KCNH1: variants seen among roughly 807,000 people sequenced by gnomAD.
KCNH1 encodes voltage-gated delayed rectifier potassium channel KCNH1.
In KCNH1, 27 loss-of-function variants were observed where a neutral mutation model predicts 69.2. That is an observed-to-expected ratio of 0.39 (90% CI 0.29 to 0.54). The LOEUF is 0.54. Among genes scored for constraint, KCNH1 ranks in the 20% least tolerant of loss-of-function variants. KCNH1 has a pLI of 0.68. For synonymous variants in KCNH1, 456 were observed against 487.7 expected, an observed-to-expected ratio of 0.93 and a Z score of 0.86; for missense variants, 798 against 1,261.6, an observed-to-expected ratio of 0.63 and a Z score of 5.57.
intron 10 of KCNH1, among the ~76,000 whole-genome samples, chr1:210,703,593 A>G (rs573812241): frequency 1.2e-3 from 177 of 152,352 alleles, no homozygotes; most frequent in African/African-American, 3.9e-3. Flanking sequence ...GCTACTTATT[A>G]ACATATATTT....
intron 10 of KCNH1, among the ~76,000 whole-genome samples, chr1:210,699,964 C>A (rs923227571): frequency 6.6e-6 from 1 of 152,130 alleles, no homozygotes; most frequent in Admixed American, 6.5e-5. Context: ...TCATCAGTGG[C>A]AACTCCCAGG....
At chr1:210,711,340 C>T (rs1009835893) in intron 10 of KCNH1, among the ~76,000 whole-genome samples, 17 of 152,360 alleles carry the variant, frequency 1.1e-4, no homozygotes, top group African/African-American at 4.1e-4. Flanking sequence ...TTACTCTCTT[C>T]AGGGGCCCAA....
At chr1:211,020,466 G>C (rs2102415027) in intron 5 of KCNH1, among the ~76,000 whole-genome samples, 1 of 148,460 alleles carries the variant, frequency 6.7e-6, no homozygotes, top group African/African-American at 2.5e-5. Context: ...CCAATAACAA[G>C]AAATAAGATT....
At chr1:210,895,415 A>G (rs1686844711) in intron 7 of KCNH1, among the ~76,000 whole-genome samples, 2 of 152,164 alleles carry the variant, frequency 1.3e-5, no homozygotes, top group African/African-American at 2.4e-5. Flanking sequence ...CATTGCCTCA[A>G]TTACAATGGG....
intron 7 of KCNH1, among the ~76,000 whole-genome samples, chr1:210,808,484 T>C (rs74156085): frequency 0.048 from 7,337 of 152,182 alleles, 580 homozygotes; most frequent in African/African-American, 0.16. Context: ...TCAATTACAA[T>C]TACTATTATG....
At chr1:211,111,419 G>T (rs970839638) in intron 1 of KCNH1, among the ~76,000 whole-genome samples, 2 of 147,602 alleles carry the variant, frequency 1.4e-5, no homozygotes, top group South Asian at 4.3e-4. Context: ...GCTTCTGCCC[G>T]GCCCCCACCC....
intron 5 of KCNH1, among the ~76,000 whole-genome samples, chr1:211,057,307 G>C (rs944136539): frequency 1.3e-5 from 2 of 152,098 alleles, no homozygotes; most frequent in Admixed American, 6.6e-5. Flanking sequence ...CTTGAAGACA[G>C]GCTATTTGAA....
intron 7 of KCNH1, among the ~76,000 whole-genome samples, chr1:210,882,758 G>A (rs1048652197): frequency 1.3e-5 from 2 of 152,138 alleles, no homozygotes; most frequent in Admixed American, 1.3e-4. Context: ...TGTGCTCGCT[G>A]GAGGATTGCT....
chr1:211,122,866 A>G (rs918641675), intron 1 of KCNH1, among the ~76,000 whole-genome samples: 1 of 152,104 alleles, frequency 6.6e-6, no homozygotes, highest in Non-Finnish European at 1.5e-5. Context: ...GAATGGGTCG[A>G]TAGGTGCAGC....
At chr1:211,065,034 G>A (rs1036038057) in intron 5 of KCNH1, among the ~76,000 whole-genome samples, 4 of 152,172 alleles carry the variant, frequency 2.6e-5, no homozygotes, top group Admixed American at 6.5e-5. Context: ...CACTGTTGGT[G>A]GGAGTGTAAA....
intron 10 of KCNH1, among the ~76,000 whole-genome samples, chr1:210,702,400 T>G (rs1230138267): frequency 2.0e-5 from 3 of 152,200 alleles, no homozygotes; most frequent in Non-Finnish European, 4.4e-5. Flanking sequence ...CCTCCTCCCC[T>G]TTTTCCTTAT....
At chr1:210,821,738 G>A (rs1053239140) in intron 7 of KCNH1, among the ~76,000 whole-genome samples, 1 of 152,038 alleles carries the variant, frequency 6.6e-6, no homozygotes, top group East Asian at 1.9e-4. Context: ...GAAGCTGTAC[G>A]ACTATTTAAT....
chr1:210,869,164 A>AT (rs1230254986), intron 7 of KCNH1, among the ~76,000 whole-genome samples: 1 of 151,950 alleles, frequency 6.6e-6, no homozygotes, highest in South Asian at 2.1e-4. Context: ...TCTGTATGTA[A>AT]TTTTTTTGTC....
chr1:210,735,527 C>G (rs191309482), intron 10 of KCNH1, among the ~76,000 whole-genome samples: 3 of 148,452 alleles, frequency 2.0e-5, no homozygotes, highest in East Asian at 4.1e-4. Flanking sequence ...GATATATTTG[C>G]CTAGCATATA....
intron 7 of KCNH1, among the ~76,000 whole-genome samples, chr1:210,878,101 G>A (rs1686419129): frequency 6.6e-6 from 1 of 151,860 alleles, no homozygotes; most frequent in Admixed American, 6.6e-5. Flanking sequence ...CATAATAAAG[G>A]GATCAATTCT....
chr1:211,129,828 G>A (rs1691845390), intron 1 of KCNH1, among the ~76,000 whole-genome samples: 3 of 152,150 alleles, frequency 2.0e-5, no homozygotes, highest in Non-Finnish European at 4.4e-5. Flanking sequence ...AAACACAGCT[G>A]ATTTAGCAAT....
intron 6 of KCNH1, among the ~76,000 whole-genome samples, chr1:210,928,182 C>CT (rs1314076989): frequency 1.3e-5 from 2 of 151,960 alleles, no homozygotes; most frequent in Non-Finnish European, 2.9e-5. Flanking sequence ...AAGAAACAAA[C>CT]TTAAACTATA....
intron 10 of KCNH1, among the ~76,000 whole-genome samples, chr1:210,715,148 C>T (rs1682195870): frequency 6.6e-6 from 1 of 152,212 alleles, no homozygotes. Flanking sequence ...ATAGAAACCC[C>T]CAGCTATCTT....
chr1:210,786,554 T>C (rs549297039), intron 9 of KCNH1, among the ~76,000 whole-genome samples: 69 of 152,158 alleles, frequency 4.5e-4, no homozygotes, highest in Admixed American at 1.0e-3. Context: ...CTAGACTTTG[T>C]TGCTTCTTTC....
Sources: gnomAD v4.1 joint callset for allele counts (sites outside exome capture counted in the v4.1 genomes callset) on GRCh38, gnomAD v4.1.1 for gene constraint, MANE v1.5 for transcripts, NCBI Gene and HGNC (gene_info 2026-07-23, HGNC 2026-07-21) for gene names.